Variants in CEP112 observed in about 807,000 individuals in gnomAD.
The protein encoded by CEP112 is centrosomal protein 112, also known as centrosomal protein of 112 kDa.
CEP112 carries 127 observed loss-of-function variants against 153.0 expected under a neutral mutation model. The ratio of observed to expected loss-of-function variants is 0.83; its 90% CI spans 0.72 to 0.96. CEP112 has a LOEUF of 0.96. Among genes scored for constraint, CEP112 ranks in the 40% least tolerant of loss-of-function variants. The pLI is 0.00. For synonymous variants in CEP112, 358 were observed against 374.4 expected (o/e 0.96, Z 0.51); for missense variants, 1,089 against 1,101.2 (o/e 0.99, Z 0.16).
At chr17:65,991,379 T>A (rs2319110) in intron 17 of CEP112, among the ~76,000 whole-genome samples, 88,922 of 151,934 alleles carry the variant, frequency 0.59, 27,408 homozygotes, top group African/African-American at 0.72. Context: ...TTTGGTTGAA[T>A]GATACGTTAT....
At chr17:66,016,184 G>A (rs574466525) in intron 16 of CEP112, among the ~76,000 whole-genome samples, 12 of 151,956 alleles carry the variant, frequency 7.9e-5, no homozygotes, top group African/African-American at 2.2e-4. Flanking sequence ...ATTTTCTTCC[G>A]GAGTAACACA....
chr17:65,979,385 C>T (rs9889587), intron 17 of CEP112, among the ~76,000 whole-genome samples: 78,938 of 151,674 alleles, frequency 0.52, 21,541 homozygotes, highest in African/African-American at 0.6. Context: ...AGGTCCACAC[C>T]TCTACGCGGG....
intron 12 of CEP112, among the ~76,000 whole-genome samples, chr17:66,050,668 T>G (rs1281325199): frequency 6.6e-6 from 1 of 152,172 alleles, no homozygotes; most frequent in Non-Finnish European, 1.5e-5. Flanking sequence ...TCTAGCTGCC[T>G]CTTAAATAGG....
intron 17 of CEP112, among the ~76,000 whole-genome samples, chr17:65,974,311 A>G (rs2062954492): frequency 6.6e-6 from 1 of 152,130 alleles, no homozygotes; most frequent in Admixed American, 6.6e-5. Context: ...TCCTGAGCTC[A>G]AGCAATCTGC....
At chr17:65,929,706 T>C (rs867520882) in intron 18 of CEP112, among the ~76,000 whole-genome samples, 1 of 152,212 alleles carries the variant, frequency 6.6e-6, no homozygotes, top group Admixed American at 6.5e-5. Flanking sequence ...GTATCAACGA[T>C]TTATCACAGT....
intron 24 of CEP112, among the ~76,000 whole-genome samples, chr17:65,659,300 A>G (rs1421492124): frequency 1.3e-5 from 2 of 152,188 alleles, no homozygotes; most frequent in African/African-American, 2.4e-5. Flanking sequence ...GTTTGAGGGC[A>G]TTTTTCAAAA....
chr17:66,078,260 TTTC>T, intron 8 of CEP112, among the ~76,000 whole-genome samples: 6 of 112,950 alleles, frequency 5.3e-5, no homozygotes, highest in South Asian at 3.3e-4. Flanking sequence ...TTCTTTTCTT[TTTC>T]TTTTTTTTTT....
At chr17:65,815,841 C>T (rs1244293048) in intron 21 of CEP112, among the ~76,000 whole-genome samples, 1 of 152,026 alleles carries the variant, frequency 6.6e-6, no homozygotes, top group Non-Finnish European at 1.5e-5. Flanking sequence ...CTTGGTACAC[C>T]ATGACCTTGC....
At chr17:65,802,215 T>A (rs536141465) in intron 21 of CEP112, among the ~76,000 whole-genome samples, 2 of 152,264 alleles carry the variant, frequency 1.3e-5, no homozygotes, top group Admixed American at 1.3e-4. Flanking sequence ...TCATTGCTTT[T>A]ATGGAAAAGA....
chr17:65,730,133 G>T (rs1010503406), intron 23 of CEP112, among the ~76,000 whole-genome samples: 1 of 152,160 alleles, frequency 6.6e-6, no homozygotes, highest in Non-Finnish European at 1.5e-5. Context: ...TGTTCCAGGG[G>T]CTAAAAATAT....
intron 12 of CEP112, among the ~76,000 whole-genome samples, chr17:66,041,238 C>T (rs2065962908): frequency 8.6e-6 from 1 of 115,664 alleles, no homozygotes; most frequent in African/African-American, 3.5e-5. Context: ...AAAAATATAG[C>T]CATCACCAAA....
chr17:66,137,764 C>T (rs1434228085), intron 4 of CEP112, among the ~76,000 whole-genome samples: 1 of 151,978 alleles, frequency 6.6e-6, no homozygotes, highest in Non-Finnish European at 1.5e-5. Context: ...CCCAGATAAA[C>T]AAAAGTTGAA....
chr17:65,838,059 C>T (rs1281397704), intron 21 of CEP112, among the ~76,000 whole-genome samples: 1 of 151,586 alleles, frequency 6.6e-6, no homozygotes, highest in African/African-American at 2.4e-5. Context: ...ATCCCCCTCT[C>T]CAAGAAACAC....
intron 24 of CEP112, among the ~76,000 whole-genome samples, chr17:65,681,461 C>T (rs954405533): frequency 6.6e-6 from 1 of 151,328 alleles, no homozygotes; most frequent in African/African-American, 2.4e-5. Flanking sequence ...GCTTAAAGTC[C>T]TAGGGCTCTT....
At chr17:65,807,769 T>C (rs548873244) in intron 21 of CEP112, among the ~76,000 whole-genome samples, 85 of 152,244 alleles carry the variant, frequency 5.6e-4, no homozygotes, top group Non-Finnish European at 1.0e-3. Flanking sequence ...CCTAGATTTC[T>C]GAGGATGTAT....
At chr17:66,046,185 A>G (rs1304841287) in intron 12 of CEP112, among the ~76,000 whole-genome samples, 1 of 151,866 alleles carries the variant, frequency 6.6e-6, no homozygotes, top group Non-Finnish European at 1.5e-5. Context: ...TGGGACTACA[A>G]GCGCATGCTG....
chr17:65,651,564 G>A (rs1011054856), intron 24 of CEP112, among the ~76,000 whole-genome samples: 9 of 152,146 alleles, frequency 5.9e-5, no homozygotes, highest in African/African-American at 9.7e-5. Flanking sequence ...CAGCAGTGCA[G>A]AAGTGTTCCC....
chr17:65,940,660 T>C (rs1599088428), intron 18 of CEP112, among the ~76,000 whole-genome samples: 2 of 152,140 alleles, frequency 1.3e-5, no homozygotes, highest in Admixed American at 1.3e-4. Context: ...TGGCATGATC[T>C]CACTTACAGG....
chr17:66,096,192 T>C, intron 8 of CEP112, 59 bp downstream of exon 8: 1 of 1,231,962 alleles, frequency 8.1e-7, no homozygotes, highest in South Asian at 1.4e-5. Context: ...AAAACCTAGA[T>C]TACATAAAAT....
Sources: allele counts gnomAD v4.1 joint callset (sites outside exome capture counted in the v4.1 genomes callset), GRCh38; gene constraint gnomAD v4.1.1; transcripts MANE v1.5; gene names NCBI Gene and HGNC (gene_info 2026-07-23, HGNC 2026-07-21).